The following OSBPL10 variants were observed in gnomAD, a reference collection of about 807,000 sequenced individuals.
OSBPL10 encodes oxysterol-binding protein-related protein 10.
A neutral mutation model predicts 81.7 loss-of-function variants in OSBPL10; 49 were observed. The ratio of observed to expected loss-of-function variants is 0.60; its 90% CI spans 0.48 to 0.76. The LOEUF is 0.76. OSBPL10 is among the 30% of genes least tolerant of loss of function. The pLI is 0.00. For missense variants in OSBPL10, 923 were observed against 987.8 expected (o/e 0.93, Z 0.88); for synonymous variants, 419 against 383.6 (o/e 1.09, Z -1.08).
chr3:31,997,305 G>A (rs573348248), intron 2 of OSBPL10, among the ~76,000 whole-genome samples: 25 of 149,696 alleles, frequency 1.7e-4, no homozygotes, highest in African/African-American at 4.2e-4. Flanking sequence ...TCACTCTGTC[G>A]CCAGGCTGGA....
chr3:31,837,820 GTA>G (rs1161869610), intron 3 of OSBPL10, among the ~76,000 whole-genome samples: 1 of 151,812 alleles, frequency 6.6e-6, no homozygotes, highest in African/African-American at 2.4e-5. Context: ...CCAATAGGGA[GTA>G]TATGAGACCT....
chr3:31,922,567 T>G lies in OSBPL10; in HGVS notation c.282-42737A>C, dbSNP rs974877426. Among the ~76,000 whole-genome samples the G allele has an allele frequency of 7.9e-5, 12 of 152,206 alleles. No individual in the cohort carries two copies. The East Asian group carries it at 2.3e-3, about 29-fold the overall frequency. ...CGGGAGGCGGAGGTTGCAGTTAGCCTGGATCGCACCATTGCACTCCAGCCT... is the reference window on the plus strand; with the variant it reads ...CGGGAGGCGGAGGTTGCAGTTAGCCGGGATCGCACCATTGCACTCCAGCCT... On this transcript the variant is annotated intron_variant, in intron 1 of 11. Coordinates refer to ENST00000396556, the MANE Select transcript of OSBPL10 (RefSeq NM_017784.5).
intron 5 of OSBPL10, among the ~76,000 whole-genome samples, chr3:31,742,412 G>A (rs1028793767): frequency 6.7e-6 from 1 of 149,820 alleles, no homozygotes; most frequent in Non-Finnish European, 1.5e-5. Context: ...AAGAGTTATT[G>A]CAAGGATGAG....
At chr3:31,922,554 G>T (rs1159454671) in intron 1 of OSBPL10, among the ~76,000 whole-genome samples, 1 of 152,096 alleles carries the variant, frequency 6.6e-6, no homozygotes, top group African/African-American at 2.4e-5. Flanking sequence ...GGAGGCGGAG[G>T]TTGCAGTTAG....
intron 2 of OSBPL10, among the ~76,000 whole-genome samples, chr3:32,023,151 T>C (rs187540600): frequency 6.6e-6 from 1 of 152,276 alleles, no homozygotes; most frequent in East Asian, 1.9e-4. Context: ...AGTGATATGG[T>C]TTGGCTGTGA....
intron 2 of OSBPL10, among the ~76,000 whole-genome samples, chr3:31,998,770 C>T (rs554527158): frequency 3.3e-5 from 5 of 152,154 alleles, no homozygotes; most frequent in African/African-American, 7.2e-5. Flanking sequence ...TATAGATCCA[C>T]GTCTATTGGT....
At chr3:31,991,758 G>T (rs1348799087) in intron 2 of OSBPL10, 1 of 152,926 alleles carries the variant, frequency 6.5e-6, no homozygotes, top group Non-Finnish European at 1.5e-5. Flanking sequence ...CCTGAAACAT[G>T]CCATTTTTTG....
chr3:32,027,260 A>G (rs1485136941), intron 2 of OSBPL10, among the ~76,000 whole-genome samples: 2 of 152,082 alleles, frequency 1.3e-5, no homozygotes, highest in African/African-American at 4.8e-5. Context: ...ACTCCCACTT[A>G]TGAGTGAGAA....
intron 4 of OSBPL10, among the ~76,000 whole-genome samples, chr3:31,792,812 G>C (rs988127714): frequency 2.0e-5 from 3 of 147,826 alleles, no homozygotes; most frequent in African/African-American, 5.0e-5. Flanking sequence ...CTGGGTGGGT[G>C]AGTTGGTGTG....
At chr3:31,822,478 T>C (rs1700001959) in intron 4 of OSBPL10, among the ~76,000 whole-genome samples, 1 of 152,292 alleles carries the variant, frequency 6.6e-6, no homozygotes, top group East Asian at 1.9e-4. Context: ...AGTATAAACA[T>C]GTATTAGGGT....
chr3:31,827,297 T>C (rs186217500), intron 4 of OSBPL10, among the ~76,000 whole-genome samples: 52 of 150,988 alleles, frequency 3.4e-4, no homozygotes, highest in African/African-American at 1.2e-3. Context: ...GAAAAAACAA[T>C]ACGATAAAGG....
intron 4 of OSBPL10, among the ~76,000 whole-genome samples, chr3:31,762,176 C>T (rs1575527971): frequency 6.6e-6 from 1 of 152,290 alleles, no homozygotes; most frequent in South Asian, 2.1e-4. Context: ...CTTCAACAAG[C>T]TTATCTAAAG....
chr3:31,978,793 T>C (rs910963693), intron 1 of OSBPL10, among the ~76,000 whole-genome samples: 3 of 152,156 alleles, frequency 2.0e-5, no homozygotes, highest in African/African-American at 7.2e-5. Flanking sequence ...AATACCACAT[T>C]TCACCTAGGT....
At chr3:31,734,026 AT>A (rs1697071428) in intron 5 of OSBPL10, among the ~76,000 whole-genome samples, 1 of 152,070 alleles carries the variant, frequency 6.6e-6, no homozygotes, top group African/African-American at 2.4e-5. Context: ...GAAAAAAAAA[AT>A]TCTAAATATT....
At chr3:31,729,066 AC>A (rs1396732653) in intron 6 of OSBPL10, among the ~76,000 whole-genome samples, 1 of 152,212 alleles carries the variant, frequency 6.6e-6, no homozygotes, top group Non-Finnish European at 1.5e-5. Context: ...GATTAGGGAT[AC>A]TACTTTGATT....
In OSBPL10 at chr3:31,670,789, G is replaced by C; in HGVS notation, c.1913+8C>G. Reference sequence around the variant, plus strand: ...GACAAAGCCAGAGTCTCTCCGGCCAGCTCCTACCTGTGGACTTTCCCTCCA... The same window carrying C: ...GACAAAGCCAGAGTCTCTCCGGCCACCTCCTACCTGTGGACTTTCCCTCCA... On this transcript the variant is annotated splice_region_variant and intron_variant, in intron 9 of 11. Transcript: ENST00000396556. 1 of 1,612,120 alleles carries C rather than the reference G, an allele frequency of 6.2e-7. No individual in the cohort carries two copies. Among genetic ancestry groups the C allele is most frequent in the Non-Finnish European group, 8.5e-7 (1 of 1,178,792 alleles).
intron 2 of OSBPL10, chr3:31,989,002 A>T (rs956812166): frequency 8.0e-5 from 125 of 1,556,336 alleles, no homozygotes; most frequent in Non-Finnish European, 1.5e-5. Context: ...TTTCTCGGAA[A>T]CAGATAACTA....
At chr3:32,054,102 T>G (rs1312360470) in intron 1 of OSBPL10, among the ~76,000 whole-genome samples, 1 of 152,240 alleles carries the variant, frequency 6.6e-6, no homozygotes, top group East Asian at 1.9e-4. Context: ...TGAGCAAAGC[T>G]TTCTGCCTTT....
chr3:31,930,612 G>C (rs1436030647), intron 1 of OSBPL10, among the ~76,000 whole-genome samples: 2 of 152,056 alleles, frequency 1.3e-5, no homozygotes, highest in African/African-American at 2.4e-5. Context: ...ATCCATACAA[G>C]GTACACTATG....
Sources: gnomAD v4.1 joint callset for allele counts (sites outside exome capture counted in the v4.1 genomes callset) on GRCh38, gnomAD v4.1.1 for gene constraint, MANE v1.5 for transcripts, NCBI Gene and HGNC (gene_info 2026-07-23, HGNC 2026-07-21) for gene names.